The following LRG1 variants were observed in gnomAD, a reference collection of about 807,000 sequenced individuals.
The protein encoded by LRG1 is leucine rich alpha-2-glycoprotein 1, also known as leucine-rich alpha-2-glycoprotein.
LRG1 carries 1 observed loss-of-function variant against 2.4 expected under a neutral mutation model. The observed-to-expected ratio is 0.41, with a 90% CI of 0.15 to 1.95. The LOEUF is 1.95. Among genes scored for constraint, LRG1 ranks in the 30% most tolerant of loss-of-function variants. The probability of loss-of-function intolerance (pLI) is 0.30; values close to 1 mark genes in which losing one functional copy is unlikely to be tolerated. For synonymous variants in LRG1, 226 were observed against 210.6 expected (o/e 1.07, Z -0.63); for missense variants, 425 against 436.9 (o/e 0.97, Z 0.24).
chr19:4,537,719 C>T lies in LRG1; in HGVS notation c.*221G>A. ...AGTTGCTGGGACTACAGGTGCCCACCACCACGCCTGGCTAATTTTTTATAT... is the reference window on the plus strand; with the variant it reads ...AGTTGCTGGGACTACAGGTGCCCACTACCACGCCTGGCTAATTTTTTATAT... On this transcript the variant is annotated 3_prime_UTR_variant, in exon 2 of 2. Transcript: ENST00000306390. 2 of 531,394 alleles carry T rather than the reference C, an allele frequency of 3.8e-6. No individual in the cohort carries two copies. Among genetic ancestry groups the T allele is most frequent in the South Asian group, 4.6e-5 (2 of 43,496 alleles). The allele number at this position is 531,394 out of a possible 1,614,324, so 32.9% of individuals were successfully genotyped here.
intron 1 of LRG1, 181 bp from the exon 2 acceptor site, chr19:4,539,132 C>G: frequency 4.3e-6 from 2 of 469,336 alleles, no homozygotes; most frequent in Non-Finnish European, 7.1e-6. Context: ...AGCTTCTACC[C>G]TCACCCCCGA....
Position 4,538,193 on chromosome 19 carries a change from A to G in LRG1, c.791T>C (p.Met264Thr). 1.2e-6 allele frequency: 2 copies of G among 1,614,058 alleles called. No homozygotes were observed. The highest frequency in any genetic ancestry group is 1.1e-5 in the South Asian group (1 of 91,084). ...GAFQGLRQLDMLDLSNNSLAS... is the reference protein window; with the variant it reads ...GAFQGLRQLDTLDLSNNSLAS... ...CAGTGAGTTATTGGAGAGGTCCAGC[A>G]TGTCCAGCTGCCGCAGGCCCTGGAA... Residue 264 changes from methionine (M) to threonine (T), a missense_variant, in exon 2 of 2, where the codon ATG (methionine) becomes ACG (threonine). By Grantham distance (81) the Met-to-Thr change is moderately conservative (BLOSUM62 -1). Transcript: ENST00000306390.
At position 4,538,342 on chromosome 19, in the gene LRG1, T is replaced by C. The variant is rs1220997520; in HGVS notation, c.642A>G (p.Leu214=). ...PPDLLRGPLQ[L]ERLHLEGNKL... is the part of the protein sequence containing the mutation. ...TGTTGCCTTCTAGATGTAGCCGTTCTAATTGCAGCGGACCCCTCAGGAGGT... is the reference window on the plus strand; with the variant it reads ...TGTTGCCTTCTAGATGTAGCCGTTCCAATTGCAGCGGACCCCTCAGGAGGT... Residue 214 remains leucine, a synonymous_variant, in exon 2 of 2, where the codon TTA becomes TTG. Transcript: ENST00000306390. The C allele has an allele frequency of 5.0e-6, 8 of 1,614,140 alleles. No homozygotes were observed. The highest frequency in any genetic ancestry group is 6.8e-6 in the Non-Finnish European group (8 of 1,180,052).
In LRG1 at chr19:4,538,365, G is replaced by T. The variant is rs1489290812; in HGVS notation, c.619C>A (p.Leu207Ile). 6.2e-7 allele frequency: 1 copy of T among 1,614,220 alleles called. No homozygotes were observed. Among genetic ancestry groups the T allele is most frequent in the Admixed American group, 1.7e-5 (1 of 60,028 alleles). ...ENQLETLPPDLLRGPLQLERL... is the reference protein window; with the variant it reads ...ENQLETLPPDILRGPLQLERL... ...TCTAATTGCAGCGGACCCCTCAGGA[G>T]GTCAGGTGGCAAGGTCTCCAACTGG... The change falls in exon 2 of 2, where the codon CTC becomes ATC. Residue 207 changes from leucine to isoleucine, a missense_variant. Coordinates refer to ENST00000306390, the MANE Select transcript of LRG1 (RefSeq NM_052972.3).
Position 4,537,789 on chromosome 19 carries a change from G to T in LRG1, c.*151C>A. Reference sequence around the variant, plus strand: ...TCACCATGTTAGCCAAGATGGTCTCGATCTCCTGACCTCGTGATCCGCCCA... The same window carrying T: ...TCACCATGTTAGCCAAGATGGTCTCTATCTCCTGACCTCGTGATCCGCCCA... On this transcript the variant is annotated 3_prime_UTR_variant, in exon 2 of 2. Coordinates refer to ENST00000306390, the MANE Select transcript of LRG1 (RefSeq NM_052972.3). 1 of 786,158 alleles carries T rather than the reference G, an allele frequency of 1.3e-6. No individual in the cohort carries two copies. The highest frequency in any genetic ancestry group is 2.0e-6 in the Non-Finnish European group (1 of 509,760). 48.7% of individuals were successfully genotyped at this position (786,158 alleles called of 1,614,324 possible).
In LRG1 at chr19:4,538,054, G is replaced by C; in HGVS notation, c.930C>G (p.Leu310=). 1.2e-6 allele frequency: 2 copies of C among 1,614,224 alleles called. No homozygotes were observed. Among genetic ancestry groups the C allele is most frequent in the East Asian group, 2.2e-5 (1 of 44,884 alleles). ...CTTTTTGGGCCTGAAGCCAACGATA[G>C]AGGTCGCTCAGGTTCTGGTCACAGA... ...PWICDQNLSD[L]YRWLQAQKDK... is the part of the protein sequence containing the mutation. The change falls in exon 2 of 2, where the codon CTC becomes CTG. Residue 310 remains leucine (L), a synonymous_variant. Coordinates refer to ENST00000306390, the MANE Select transcript of LRG1 (RefSeq NM_052972.3).
Position 4,538,151 on chromosome 19 carries a change from C to T in LRG1, c.833G>A (p.Gly278Glu). 1.2e-6 allele frequency: 2 copies of T among 1,614,076 alleles called. No homozygotes were observed. Among genetic ancestry groups the T allele is most frequent in the Non-Finnish European group, 1.7e-6 (2 of 1,180,042 alleles). Residue 278 changes from glycine to glutamate, a missense_variant, in exon 2 of 2, where the codon GGG becomes GAG. By Grantham distance (98) the Gly-to-Glu change is moderately conservative (BLOSUM62 -2). Coordinates refer to ENST00000306390, the MANE Select transcript of LRG1 (RefSeq NM_052972.3). ...TGGCTGCCCTAGGGATGCCCAGAGCCCCTCGGGCACGCTGGCCAGTGAGTT... is the reference window on the plus strand; with the variant it reads ...TGGCTGCCCTAGGGATGCCCAGAGCTCCTCGGGCACGCTGGCCAGTGAGTT... ...SNNSLASVPE[G>E]LWASLGQPNW...
chr19:4,538,183 G>A lies in LRG1; in HGVS notation c.801C>T (p.Leu267=). Residue 267 remains leucine, a synonymous_variant, in exon 2 of 2, where the codon CTC becomes CTT. Coordinates refer to ENST00000306390, the MANE Select transcript of LRG1 (RefSeq NM_052972.3). The part of the protein sequence containing the change: ...QGLRQLDMLD[L]SNNSLASVPE... ...GCACGCTGGCCAGTGAGTTATTGGA[G>A]AGGTCCAGCATGTCCAGCTGCCGCA... 6.2e-7 allele frequency: 1 copy of A among 1,614,048 alleles called. No homozygotes were observed. Among genetic ancestry groups the A allele is most frequent in the Non-Finnish European group, 8.5e-7 (1 of 1,180,026 alleles).
In LRG1 at chr19:4,536,440, A is replaced by T. The variant is rs1038899108; in HGVS notation, c.*1500T>A. On this transcript the variant is annotated 3_prime_UTR_variant, in exon 2 of 2. Transcript: ENST00000306390. ...ATTTTTATTTTTGAGACACAGTTTC[A>T]CTCTGTCGCCCAGCCTGGAGTGCAG... is the stretch of plus-strand genomic sequence containing the variant. The T allele has an allele frequency of 1.7e-4, 25 of 150,482 alleles. No homozygotes were observed. Among genetic ancestry groups the T allele is most frequent in the Admixed American group, 4.7e-4 (7 of 15,034 alleles). The allele number at this position is 150,482 out of a possible 1,614,324, so 9.3% of individuals were successfully genotyped here. A position where few individuals can be genotyped will look rare whatever the true frequency, so the allele number is the denominator to read the frequency against.
rs1448853437 is a variant in LRG1, at chr19:4,538,445, G to T, written c.539C>A (p.Pro180His). The change falls in exon 2 of 2, where the codon CCC becomes CAC. Residue 180 changes from proline to histidine, a missense_variant. Coordinates refer to ENST00000306390, the MANE Select transcript of LRG1 (RefSeq NM_052972.3). ...DLSGNRLRKL[P>H]PGLLANFTLL... is the part of the protein sequence containing the mutation. ...GGTGAAGTTGGCCAGCAGCCCGGGG[G>T]GCAGTTTCCGGAGGCGGTTCCCAGA... 6.2e-7 allele frequency: 1 copy of T among 1,614,054 alleles called. No homozygotes were observed. Among genetic ancestry groups the T allele is most frequent in the Admixed American group, 1.7e-5 (1 of 60,008 alleles).
chr19:4,538,507 C>T lies in LRG1; in HGVS notation c.477G>A (p.Trp159Ter), dbSNP rs1049581471. 6.8e-6 allele frequency: 11 copies of T among 1,613,874 alleles called. No homozygotes were observed. Among genetic ancestry groups the T allele is most frequent in the Non-Finnish European group, 8.5e-6 (10 of 1,180,040 alleles). The change falls in exon 2 of 2, where the codon TGG (tryptophan) becomes TGA (stop). Residue 159 changes from tryptophan to a stop codon, truncating the protein, a stop_gained. Transcript: ENST00000306390. LOFTEE classifies it low-confidence loss of function (END_TRUNC). ...GCCCCAGAGCTTTCAGGCCGTGTAG[C>T]CACGAGACCTCCAGGACCTCCAGCT... is the stretch of plus-strand genomic sequence containing the variant. ...ENQLEVLEVS[W>*]LHGLKALGHL... is the part of the protein sequence containing the mutation.
At chr19:4,539,844 T>C in intron 1 of LRG1, 138 bp downstream of exon 1, 2 of 998,706 alleles carry the variant, frequency 2.0e-6, no homozygotes, top group Admixed American at 1.7e-5. Flanking sequence ...AGTCTTTCTG[T>C]CACAGATAAG....
At position 4,538,364 on chromosome 19, in the gene LRG1, A is replaced by G. The variant is rs377531627; in HGVS notation, c.620T>C (p.Leu207Pro). Residue 207 changes from leucine (L) to proline (P), a missense_variant, in exon 2 of 2, where the codon CTC becomes CCC. By Grantham distance (98) the Leu-to-Pro change is moderately conservative. Coordinates refer to ENST00000306390, the MANE Select transcript of LRG1 (RefSeq NM_052972.3). ...TTCTAATTGCAGCGGACCCCTCAGG[A>G]GGTCAGGTGGCAAGGTCTCCAACTG... ...ENQLETLPPD[L>P]LRGPLQLERL... The G allele has an allele frequency of 2.0e-5, 33 of 1,614,010 alleles. No homozygotes were observed. The African/African-American group carries it at 4.0e-4, about 20-fold the overall frequency.
In LRG1 at chr19:4,538,762, G is replaced by T; in HGVS notation, c.222C>A (p.Ala74=). 6.2e-7 allele frequency: 1 copy of T among 1,606,148 alleles called. No homozygotes were observed. The highest frequency in any genetic ancestry group is 8.5e-7 in the Non-Finnish European group (1 of 1,173,670). ...GYLPADTVHL[A]VEFFNLTHLP... Reference sequence around the variant, plus strand: ...GGTGGGTCAGGTTGAAGAATTCCACGGCCAGGTGCACGGTGTCGGCTGGCA... The same window carrying T: ...GGTGGGTCAGGTTGAAGAATTCCACTGCCAGGTGCACGGTGTCGGCTGGCA... The change falls in exon 2 of 2, where the codon GCC becomes GCA. Residue 74 remains alanine (A), a synonymous_variant. Transcript: ENST00000306390.
chr19:4,538,908 G>T lies in LRG1; in HGVS notation c.76C>A (p.Leu26Met). Residue 26 changes from leucine (L) to methionine (M), a missense_variant, in exon 2 of 2, where the codon CTG becomes ATG. By Grantham distance (15) the Leu-to-Met change is conservative (BLOSUM62 2). Transcript: ENST00000306390. Reference sequence around the variant, plus strand: ...CAGGCTGAGGCTGCCAACAGCAGCAGCAGGAACAGAGTTCTAGAAACATGG... The same window carrying T: ...CAGGCTGAGGCTGCCAACAGCAGCATCAGGAACAGAGTTCTAGAAACATGG... ...QPHVSRTLFL[L>M]LLLAASAWGV... The T allele has an allele frequency of 1.3e-6, 2 of 1,517,482 alleles. No homozygotes were observed. The highest frequency in any genetic ancestry group is 1.4e-5 in the African/African-American group (1 of 71,910). 94.0% of individuals were successfully genotyped at this position (1,517,482 alleles called of 1,614,324 possible).
At position 4,538,433 on chromosome 19, in the gene LRG1, A is replaced by C; in HGVS notation, c.551T>G (p.Leu184Arg). The change falls in exon 2 of 2, where the codon CTG becomes CGG. Residue 184 changes from leucine to arginine, a missense_variant. Transcript: ENST00000306390. ...NRLRKLPPGL[L>R]ANFTLLRTLD... ...GGTGCGCAGGAGGGTGAAGTTGGCCAGCAGCCCGGGGGGCAGTTTCCGGAG... is the reference window on the plus strand; with the variant it reads ...GGTGCGCAGGAGGGTGAAGTTGGCCCGCAGCCCGGGGGGCAGTTTCCGGAG... 6.2e-7 allele frequency: 1 copy of C among 1,614,140 alleles called. No individual in the cohort carries two copies. The highest frequency in any genetic ancestry group is 8.5e-7 in the Non-Finnish European group (1 of 1,180,040).
At position 4,538,498 on chromosome 19, in the gene LRG1, G is replaced by C. The variant is rs777598627; in HGVS notation, c.486C>G (p.Gly162=). 43 of 1,613,870 alleles carry C rather than the reference G, an allele frequency of 2.7e-5. No individual in the cohort carries two copies. Among genetic ancestry groups the C allele is most frequent in the Non-Finnish European group, 5.1e-6 (6 of 1,180,034 alleles). The change falls in exon 2 of 2, where the codon GGC becomes GGG. Residue 162 remains glycine, a synonymous_variant. Coordinates refer to ENST00000306390, the MANE Select transcript of LRG1 (RefSeq NM_052972.3). ...GGTCCAGATGCCCCAGAGCTTTCAG[G>C]CCGTGTAGCCACGAGACCTCCAGGA... is the stretch of plus-strand genomic sequence containing the variant. The part of the protein sequence containing the change: ...LEVLEVSWLH[G]LKALGHLDLS...
At position 4,537,765 on chromosome 19, in the gene LRG1, C is replaced by T. The variant is rs974941136; in HGVS notation, c.*175G>A. On this transcript the variant is annotated 3_prime_UTR_variant, in exon 2 of 2. Coordinates refer to ENST00000306390, the MANE Select transcript of LRG1 (RefSeq NM_052972.3). ...TATATTTTTAGTAGAGACAGGGTTT[C>T]ACCATGTTAGCCAAGATGGTCTCGA... The T allele has an allele frequency of 4.5e-6, 3 of 671,718 alleles. No individual in the cohort carries two copies. 41.6% of individuals were successfully genotyped at this position (671,718 alleles called of 1,614,324 possible).
In LRG1 at chr19:4,539,990, T is replaced by C. The variant is rs1403503885; in HGVS notation, c.24A>G (p.Arg8=). Residue 8 remains arginine (R), a synonymous_variant, in exon 1 of 2, where the codon CGA becomes CGG. Coordinates refer to ENST00000306390, the MANE Select transcript of LRG1 (RefSeq NM_052972.3). MSSWSRQ[R]PKSPGGIQPH... is the part of the protein sequence containing the mutation. Reference sequence around the variant, plus strand: ...GTAGTGTGGGGACCTACCTTTTTGGTCGCTGTCTGCTCCAAGAGGACATGG... The same window carrying C: ...GTAGTGTGGGGACCTACCTTTTTGGCCGCTGTCTGCTCCAAGAGGACATGG... 6.2e-7 allele frequency: 1 copy of C among 1,614,016 alleles called. No individual in the cohort carries two copies. Among genetic ancestry groups the C allele is most frequent in the East Asian group, 2.2e-5 (1 of 44,894 alleles).
Sources: gnomAD v4.1 joint callset for allele counts on GRCh38, gnomAD v4.1.1 for gene constraint, MANE v1.5 for transcripts, NCBI Gene and HGNC (gene_info 2026-07-23, HGNC 2026-07-21) for gene names.